Variants in GTPBP6 observed in about 807,000 individuals in gnomAD.
The protein encoded by GTPBP6 is GTP binding protein 6.
In GTPBP6, 33 loss-of-function variants were observed where a neutral mutation model predicts 28.9. The ratio of observed to expected loss-of-function variants is 1.14; its 90% CI spans 0.87 to 1.53. The LOEUF (loss-of-function observed/expected upper bound fraction) is 1.53. Ranked by LOEUF, GTPBP6 falls within the 40% of genes most tolerant of loss-of-function variation. GTPBP6 has a pLI of 0.00. For synonymous variants in GTPBP6, 231 were observed against 192.7 expected, an observed-to-expected ratio of 1.20 and a Z score of -1.65; for missense variants, 507 against 408.3, an observed-to-expected ratio of 1.24 and a Z score of -2.08.
intron 7 of GTPBP6, among the ~76,000 whole-genome samples, chrX:311,006 T>G (rs1026558893): frequency 4.6e-5 from 7 of 152,100 alleles, no homozygotes; most frequent in African/African-American, 1.7e-4. Flanking sequence ...TTCAGGCACA[T>G]AAGCCGGGAG....
chrX:307,409 C>T (rs201263442), exon 9 of GTPBP6: 42 of 1,612,560 alleles, frequency 2.6e-5, no homozygotes, highest in Admixed American at 5.0e-5. Flanking sequence ...ATCTGTCTCC[C>T]CGTCGCCTTC....
exon 8 of GTPBP6, chrX:307,810 G>A (rs763927810): frequency 2.4e-5 from 37 of 1,556,770 alleles, no homozygotes; most frequent in Non-Finnish European, 3.1e-5. Context: ...GCCACGCAGC[G>A]TGGACAGAAC....
At chrX:307,804 C>T (rs1235169624) in exon 8 of GTPBP6, 5 of 1,551,350 alleles carry the variant, frequency 3.2e-6, no homozygotes, top group African/African-American at 1.4e-5. Context: ...CTGCAGGCCA[C>T]GCAGCGTGGA....
chrX:318,565 C>G, exon 1 of GTPBP6: 1 of 398,420 alleles, frequency 2.5e-6, no homozygotes. Context: ...TCGTCCGCAT[C>G]TTCCGGCTCC....
rs775700234 is a variant in GTPBP6 at position 314,248 on chromosome X, T to C, written c.690-31A>G. 2.5e-6 allele frequency: 4 copies of C among 1,574,064 alleles called. No homozygotes were observed. In the Admixed American group the frequency reaches 6.7e-5, roughly 26 times the overall value. Reference sequence around the variant, plus strand: ...GTGGGAACGGGAGTGGCTCGGTCTCTGCGGACGCTGTCTCCCTCCCGGCAG... The same window carrying C: ...GTGGGAACGGGAGTGGCTCGGTCTCCGCGGACGCTGTCTCCCTCCCGGCAG... On this transcript the variant is annotated intron_variant, in intron 4 of 9. Transcript: ENST00000326153.
At chrX:313,487 A>G (rs2070356963) in intron 5 of GTPBP6, among the ~76,000 whole-genome samples, 1 of 148,076 alleles carries the variant, frequency 6.8e-6, no homozygotes, top group Admixed American at 6.8e-5. Flanking sequence ...GGAAGTGGAT[A>G]CAAGTGTAGC....
At position 311,594 on chromosome X, in the gene GTPBP6, T is replaced by C. The variant is rs1157902409; in HGVS notation, c.950A>G (p.Asp317Gly). Residue 317 changes from aspartate (D) to glycine (G), a missense_variant, in exon 7 of 10, where the codon GAT becomes GGT. By Grantham distance (94) the Asp-to-Gly change is moderately conservative. Coordinates refer to ENST00000326153, the Ensembl canonical transcript of GTPBP6. The stretch of plus-strand genomic sequence containing the variant: ...CTGGTCCCGTGGCTGGATGGCGGCA[T>C]CGCCCGTCAGTGCCTTGATCAGCGT... The C allele has an allele frequency of 2.5e-6, 4 of 1,612,100 alleles. No homozygotes were observed. The African/African-American group carries it at 5.3e-5, about 22-fold the overall frequency.
intron 4 of GTPBP6, among the ~76,000 whole-genome samples, chrX:314,658 A>T (rs1369632678): frequency 6.6e-6 from 1 of 151,676 alleles, no homozygotes; most frequent in African/African-American, 2.4e-5. Context: ...TTGTATTTTT[A>T]GTACAGACGG....
At chrX:314,113 G>A (rs62580116) in intron 5 of GTPBP6, 37 bp downstream of exon 5, 112,182 of 1,523,078 alleles carry the variant, frequency 0.074, 6,109 homozygotes, top group Admixed American at 0.23. Context: ...ACCGCATTCC[G>A]AGGACCCTCT....
chrX:309,081 G>A (rs1275235976), intron 7 of GTPBP6, among the ~76,000 whole-genome samples: 1 of 152,130 alleles, frequency 6.6e-6, no homozygotes, highest in Non-Finnish European at 1.5e-5. Context: ...GCGGGGTTCA[G>A]TCCCATCTCC....
At chrX:313,672 AGAG>A (rs1162008365) in intron 5 of GTPBP6, among the ~76,000 whole-genome samples, 1 of 152,052 alleles carries the variant, frequency 6.6e-6, no homozygotes, top group Non-Finnish European at 1.5e-5. Flanking sequence ...AAGAGACAGA[AGAG>A]GAGACACAGA....
chrX:307,625 CCTGA>C (rs1681412441), intron 8 of GTPBP6, 103 bp downstream of exon 8: 1 of 1,434,284 alleles, frequency 7.0e-7, no homozygotes, highest in Non-Finnish European at 9.4e-7. Context: ...CTCCCTGTGT[CCTGA>C]CTGCCACCGC....
chrX:318,294 A>C (rs1414856681), intron 1 of GTPBP6, 145 bp downstream of exon 1: 1 of 371,796 alleles, frequency 2.7e-6, no homozygotes, highest in Non-Finnish European at 4.6e-6. Flanking sequence ...TTCTCCCCAC[A>C]GAACCCCGCC....
chrX:309,300 C>A (rs2070236601), intron 7 of GTPBP6, among the ~76,000 whole-genome samples: 1 of 152,142 alleles, frequency 6.6e-6, no homozygotes, highest in Admixed American at 6.6e-5. Context: ...CGGCCGGGGG[C>A]AGTTCCGGAG....
intron 3 of GTPBP6, 100 bp from the exon 4 acceptor site, chrX:315,120 G>GT: frequency 2.5e-6 from 1 of 398,724 alleles, no homozygotes; most frequent in African/African-American, 2.1e-5. Flanking sequence ...TAACCCCACC[G>GT]TGTCCCCATC....
chrX:314,141 C>A lies in GTPBP6; in HGVS notation c.757+9G>T. On this transcript the variant is annotated intron_variant, in intron 5 of 9. Coordinates refer to ENST00000326153, the Ensembl canonical transcript of GTPBP6. ...GACCCTCTGGGACGCCGCGCCCGGCCCGAGTTACCTGACCCCATGATGTAG... is the reference window on the plus strand; with the variant it reads ...GACCCTCTGGGACGCCGCGCCCGGCACGAGTTACCTGACCCCATGATGTAG... The A allele has an allele frequency of 2.5e-6, 4 of 1,610,778 alleles. No homozygotes were observed. Among genetic ancestry groups the A allele is most frequent in the Non-Finnish European group, 3.4e-6 (4 of 1,177,562 alleles).
chrX:316,677 C>T (rs1334738693), intron 2 of GTPBP6, among the ~76,000 whole-genome samples: 1 of 152,148 alleles, frequency 6.6e-6, no homozygotes, highest in Non-Finnish European at 1.5e-5. Flanking sequence ...CTGCCCCGAC[C>T]TAATCTTTAC....
chrX:306,466 A>G (rs966191017), intron 9 of GTPBP6, among the ~76,000 whole-genome samples: 2 of 143,184 alleles, frequency 1.4e-5, no homozygotes, highest in Admixed American at 6.7e-5. Flanking sequence ...ACAGTCAGAA[A>G]TGTACATTGA....
At chrX:310,948 CAG>C (rs1455516865) in intron 7 of GTPBP6, among the ~76,000 whole-genome samples, 2 of 152,092 alleles carry the variant, frequency 1.3e-5, no homozygotes, top group African/African-American at 2.4e-5. Context: ...CTCTGTCTGT[CAG>C]GGGTCTGTGA....
Sources: allele counts gnomAD v4.1 joint callset (sites outside exome capture counted in the v4.1 genomes callset), GRCh38; gene constraint gnomAD v4.1.1; transcripts MANE v1.5; gene names NCBI Gene and HGNC (gene_info 2026-07-23, HGNC 2026-07-21).